PKP4: variants seen among roughly 807,000 people sequenced by gnomAD.
PKP4 encodes the protein plakophilin 4, also known as plakophilin-4.
Under a neutral mutation model 145.1 loss-of-function variants are expected in PKP4, and 90 were observed. The observed-to-expected ratio is 0.62, with a 90% CI of 0.52 to 0.74. PKP4 has a LOEUF of 0.74. PKP4 is among the 30% of genes least tolerant of loss of function. PKP4 has a pLI of 0.00. For missense variants in PKP4, 1,340 were observed against 1,482.7 expected, an observed-to-expected ratio of 0.90 and a Z score of 1.58; for synonymous variants, 563 against 577.2, an observed-to-expected ratio of 0.98 and a Z score of 0.35.
At chr2:158,574,241 A>G (rs1027181776) in intron 2 of PKP4, among the ~76,000 whole-genome samples, 6 of 152,200 alleles carry the variant, frequency 3.9e-5, no homozygotes, top group South Asian at 2.1e-4. Flanking sequence ...GGAAATTTTC[A>G]TACACTAAAT....
chr2:158,598,788 G>T (rs2105839777), intron 3 of PKP4, among the ~76,000 whole-genome samples: 1 of 152,146 alleles, frequency 6.6e-6, no homozygotes, highest in Non-Finnish European at 1.5e-5. Context: ...AAATATTCCT[G>T]TTATTATAGA....
Position 158,621,342 on chromosome 2 carries a change from GAC to G in PKP4, c.526_527del (p.Gln176AlafsTer9). The stretch of plus-strand genomic sequence containing the variant: ...CAGAACGTGAGCAAGGCAGACAACA[GAC>G]AGCAGCATTCATTCATAGGATCAAC... On this transcript the variant is annotated frameshift_variant, in exon 6 of 22. Coordinates refer to ENST00000389759, the MANE Select transcript of PKP4 (RefSeq NM_003628.6). LOFTEE classifies it high-confidence loss of function. The G allele has an allele frequency of 6.2e-7, 1 of 1,614,178 alleles. No homozygotes were observed.
At chr2:158,522,959 A>G (rs530116331) in intron 1 of PKP4, among the ~76,000 whole-genome samples, 292 of 152,198 alleles carry the variant, frequency 1.9e-3, no homozygotes, top group Non-Finnish European at 3.2e-3. Flanking sequence ...ACTATATCCC[A>G]CACCTGGCTC....
At chr2:158,658,093 A>G in intron 11 of PKP4, 38 bp from the exon 12 acceptor site, 1 of 1,123,878 alleles carries the variant, frequency 8.9e-7, no homozygotes. Flanking sequence ...AAGCCACAGG[A>G]TCTCTATTTG....
chr2:158,495,170 A>G (rs1039702415), intron 1 of PKP4, among the ~76,000 whole-genome samples: 1 of 152,008 alleles, frequency 6.6e-6, no homozygotes, highest in African/African-American at 2.4e-5. Flanking sequence ...GTGAGCCGAG[A>G]TTGCACCATT....
intron 2 of PKP4, among the ~76,000 whole-genome samples, chr2:158,545,069 T>G (rs1027650096): frequency 8.2e-6 from 1 of 121,606 alleles, no homozygotes; most frequent in African/African-American, 3.1e-5. Flanking sequence ...ACCTAAGTCT[T>G]TCACTTTTTT....
chr2:158,477,961 A>G (rs1692753273), intron 1 of PKP4, among the ~76,000 whole-genome samples: 1 of 152,242 alleles, frequency 6.6e-6, no homozygotes, highest in African/African-American at 2.4e-5. Flanking sequence ...TTTCATATAT[A>G]TAACTGATAA....
intron 1 of PKP4, among the ~76,000 whole-genome samples, chr2:158,458,979 A>G (rs1689347840): frequency 6.6e-6 from 1 of 152,196 alleles, no homozygotes; most frequent in Non-Finnish European, 1.5e-5. Flanking sequence ...AAAGAACGGT[A>G]ATTATTTACG....
chr2:158,644,499 C>T (rs2054640132), intron 11 of PKP4, among the ~76,000 whole-genome samples: 1 of 152,116 alleles, frequency 6.6e-6, no homozygotes, highest in Non-Finnish European at 1.5e-5. Flanking sequence ...AGTTCATTGA[C>T]AAAAGAATGG....
chr2:158,676,676 C>T, intron 19 of PKP4, 63 bp from the exon 20 acceptor site: 1 of 1,594,960 alleles, frequency 6.3e-7, no homozygotes, highest in South Asian at 1.1e-5. Flanking sequence ...GGATTTTCCA[C>T]AGATACTGAT....
chr2:158,642,289 G>T (rs2054363397), intron 10 of PKP4, among the ~76,000 whole-genome samples, 197 bp from the exon 11 acceptor site: 1 of 152,190 alleles, frequency 6.6e-6, no homozygotes, highest in South Asian at 2.1e-4. Context: ...CTCCCAATGT[G>T]CTGAGATTAC....
chr2:158,457,128 T>G lies in PKP4; in HGVS notation c.-96T>G. On this transcript the variant is annotated 5_prime_UTR_variant, in exon 1 of 22. Coordinates refer to ENST00000389759, the MANE Select transcript of PKP4 (RefSeq NM_003628.6). The stretch of plus-strand genomic sequence containing the variant: ...CGGGCAGCCGCGCCGCCGCGGCACT[T>G]TTTTAATTTTTTCGGGTGCCGCAGC... The G allele has an allele frequency of 6.6e-6, 1 of 150,464 alleles. No homozygotes were observed. Among genetic ancestry groups the G allele is most frequent in the Non-Finnish European group, 1.5e-5 (1 of 67,498 alleles). 9.3% of individuals were successfully genotyped at this position (150,464 alleles called of 1,614,324 possible).
chr2:158,539,053 T>C (rs1002488212), intron 2 of PKP4, among the ~76,000 whole-genome samples: 13 of 152,216 alleles, frequency 8.5e-5, no homozygotes, highest in African/African-American at 3.1e-4. Context: ...AAAATTGCAA[T>C]GTTCCTCATC....
At chr2:158,672,853 GAGT>G (rs2057687544) in intron 17 of PKP4, among the ~76,000 whole-genome samples, 2 of 152,064 alleles carry the variant, frequency 1.3e-5, no homozygotes, top group South Asian at 2.1e-4. Flanking sequence ...GAAGATAACG[GAGT>G]AGAAGAGAAA....
intron 3 of PKP4, among the ~76,000 whole-genome samples, chr2:158,595,643 A>C (rs1005835729): frequency 6.6e-6 from 1 of 152,224 alleles, no homozygotes; most frequent in African/African-American, 2.4e-5. Context: ...ATCTTAAAGT[A>C]TGTTGTATCT....
rs764048303 is a variant in PKP4 at position 158,676,761 on chromosome 2, A to G, written c.3150A>G (p.Pro1050=). Residue 1050 remains proline (P), a synonymous_variant, in exon 20 of 22, where the codon CCA becomes CCG. Transcript: ENST00000389759. ...CAGTCGGCAGCACCTCTTCCTCACC[A>G]GCACTGTTAGGAATCAGAGACCCTC... ...IQSVGSTSSS[P]ALLGIRDPRS... 1.2e-5 allele frequency: 19 copies of G among 1,613,944 alleles called. No individual in the cohort carries two copies. Among genetic ancestry groups the G allele is most frequent in the Non-Finnish European group, 1.6e-5 (19 of 1,179,968 alleles).
chr2:158,565,657 C>G (rs2046913022), intron 2 of PKP4, among the ~76,000 whole-genome samples: 1 of 152,068 alleles, frequency 6.6e-6, no homozygotes, highest in African/African-American at 2.4e-5. Context: ...GCACAAGGAA[C>G]AGAGCACTTG....
chr2:158,474,601 A>C (rs953618196), intron 1 of PKP4, among the ~76,000 whole-genome samples: 1 of 152,226 alleles, frequency 6.6e-6, no homozygotes, highest in Non-Finnish European at 1.5e-5. Context: ...ATGAAAATTT[A>C]CTGCCTGTTT....
intron 3 of PKP4, among the ~76,000 whole-genome samples, chr2:158,590,317 G>GTA (rs2049152083): frequency 1.1e-5 from 1 of 88,182 alleles, no homozygotes; most frequent in South Asian, 3.4e-4. Context: ...TCTTGAGTGT[G>GTA]TGTGTGTGTG....
Sources: gnomAD v4.1 joint callset for allele counts (sites outside exome capture counted in the v4.1 genomes callset) on GRCh38, gnomAD v4.1.1 for gene constraint, MANE v1.5 for transcripts, NCBI Gene and HGNC (gene_info 2026-07-23, HGNC 2026-07-21) for gene names.